NKAIN3: variants seen among roughly 807,000 people sequenced by gnomAD.
NKAIN3 encodes sodium/potassium transporting ATPase interacting 3, also known as sodium/potassium-transporting ATPase subunit beta-1-interacting protein 3.
In NKAIN3, 25 loss-of-function variants were observed where a neutral mutation model predicts 30.2. The observed-to-expected ratio is 0.83, with a 90% CI of 0.60 to 1.16. NKAIN3 has a LOEUF of 1.16. Ranked by LOEUF, NKAIN3 falls within the 50% of genes most tolerant of loss-of-function variation. The pLI is 0.00. For missense variants in NKAIN3, 225 were observed against 254.1 expected, an observed-to-expected ratio of 0.89 and a Z score of 0.78; for synonymous variants, 91 against 89.6, an observed-to-expected ratio of 1.02 and a Z score of -0.09.
rs1820035270 is a variant in NKAIN3 at position 62,855,501 on chromosome 8, C to T, written c.472-62952C>T. ...TTTTGTTTTCTCTTGGTAAATTTCC[C>T]TTCAGGATTGTAATCTGGTGGGTAA... On this transcript the variant is annotated intron_variant, in intron 4 of 6. Coordinates refer to ENST00000623646, the MANE Select transcript of NKAIN3 (RefSeq NM_001304533.3). 5 of 1,402,232 alleles carry T rather than the reference C, an allele frequency of 3.6e-6. No homozygotes were observed. The South Asian group carries it at 4.6e-5, about 13-fold the overall frequency. The allele number at this position is 1,402,232 out of a possible 1,614,324, so 86.9% of individuals were successfully genotyped here.
chr8:62,649,943 C>T (rs1050074099), intron 3 of NKAIN3, among the ~76,000 whole-genome samples: 7 of 152,046 alleles, frequency 4.6e-5, no homozygotes, highest in Admixed American at 3.3e-4. Context: ...CTATTTTTCC[C>T]AAGTACTTAA....
At chr8:62,489,729 C>T (rs554685404) in intron 1 of NKAIN3, among the ~76,000 whole-genome samples, 16 of 152,160 alleles carry the variant, frequency 1.1e-4, no homozygotes, top group African/African-American at 2.4e-5. Context: ...TTTAATATAA[C>T]TCGTAAGAGT....
At position 62,863,197 on chromosome 8, in the gene NKAIN3, C is replaced by G. The variant is rs1435176747; in HGVS notation, c.472-55256C>G. ...CTCCAATTCTTCTATCTCCTGCAGG[C>G]GTTTTTCCAATAACTCAGCCTGCCT... is the stretch of plus-strand genomic sequence containing the variant. On this transcript the variant is annotated intron_variant, in intron 4 of 6. Coordinates refer to ENST00000623646, the MANE Select transcript of NKAIN3 (RefSeq NM_001304533.3). The G allele has an allele frequency of 2.6e-6, 4 of 1,544,372 alleles. 1 individual carries two copies. In the African/African-American group the frequency reaches 5.5e-5, roughly 21 times the overall value.
intron 4 of NKAIN3, among the ~76,000 whole-genome samples, chr8:62,852,963 A>T (rs1018431203): frequency 6.6e-6 from 1 of 152,180 alleles, no homozygotes; most frequent in African/African-American, 2.4e-5. Flanking sequence ...GTAGATGCCT[A>T]TTAGGTCCAC....
intron 3 of NKAIN3, among the ~76,000 whole-genome samples, chr8:62,637,782 A>G (rs954285150): frequency 1.3e-5 from 2 of 152,130 alleles, no homozygotes; most frequent in Non-Finnish European, 2.9e-5. Context: ...TCTGTCCCAC[A>G]CATGAGAGTG....
At chr8:62,933,220 G>T (rs1280049479) in intron 5 of NKAIN3, among the ~76,000 whole-genome samples, 1 of 152,120 alleles carries the variant, frequency 6.6e-6, no homozygotes, top group Non-Finnish European at 1.5e-5. Context: ...TGAGCAAATG[G>T]CATTTTCATG....
In NKAIN3 at chr8:62,970,032, A is replaced by G. The variant is rs1007002820; in HGVS notation, c.*4625A>G. Among the ~76,000 whole-genome samples, 3 of 151,522 alleles carry G rather than the reference A, an allele frequency of 2.0e-5. No individual in the cohort carries two copies. The highest frequency in any genetic ancestry group is 7.3e-5 in the African/African-American group (3 of 41,302). ...CAAAATAGTGAGACCGTATCTCTAC[A>G]AAAACAAACAAATAAACAAAAAATA... On this transcript the variant is annotated 3_prime_UTR_variant, in exon 7 of 7. Coordinates refer to ENST00000623646, the MANE Select transcript of NKAIN3 (RefSeq NM_001304533.3).
intron 4 of NKAIN3, among the ~76,000 whole-genome samples, chr8:62,839,938 T>C (rs1819480409): frequency 6.6e-6 from 1 of 152,078 alleles, no homozygotes; most frequent in South Asian, 2.1e-4. Flanking sequence ...TAAAATGCCT[T>C]CCCCACATTC....
chr8:62,388,752 C>T (rs767167748), intron 1 of NKAIN3, among the ~76,000 whole-genome samples: 25 of 152,166 alleles, frequency 1.6e-4, no homozygotes, highest in South Asian at 4.1e-4. Context: ...GGATTTCAGC[C>T]GGCTCTGGTT....
intron 5 of NKAIN3, among the ~76,000 whole-genome samples, chr8:62,926,470 G>A (rs150547536): frequency 4.6e-5 from 7 of 152,200 alleles, no homozygotes; most frequent in African/African-American, 1.7e-4. Context: ...ACCTCACAAC[G>A]TCACATGTGA....
chr8:62,672,856 A>T (rs73682637), intron 3 of NKAIN3, among the ~76,000 whole-genome samples: 2 of 152,316 alleles, frequency 1.3e-5, no homozygotes, highest in African/African-American at 2.4e-5. Context: ...TATCTAAAAA[A>T]ATTGATTTTT....
chr8:62,816,268 T>C (rs1043722775), intron 4 of NKAIN3, among the ~76,000 whole-genome samples: 3 of 152,158 alleles, frequency 2.0e-5, no homozygotes, highest in Non-Finnish European at 4.4e-5. Flanking sequence ...AGTAGTGTAG[T>C]CTTTGTATGA....
At chr8:62,737,288 T>C (rs1356028889) in intron 3 of NKAIN3, among the ~76,000 whole-genome samples, 1 of 152,220 alleles carries the variant, frequency 6.6e-6, no homozygotes, top group African/African-American at 2.4e-5. Flanking sequence ...AGCAGAAGCA[T>C]TGTCATGGTG....
intron 1 of NKAIN3, among the ~76,000 whole-genome samples, chr8:62,463,727 T>C (rs1563410194): frequency 6.6e-6 from 1 of 152,232 alleles, no homozygotes; most frequent in Non-Finnish European, 1.5e-5. Context: ...CCTGAAACTG[T>C]ATATAACACC....
At chr8:62,458,391 C>A (rs1805886798) in intron 1 of NKAIN3, among the ~76,000 whole-genome samples, 1 of 152,182 alleles carries the variant, frequency 6.6e-6, no homozygotes, top group Admixed American at 6.5e-5. Flanking sequence ...AAAATCACAT[C>A]AAAACCTATT....
intron 4 of NKAIN3, among the ~76,000 whole-genome samples, chr8:62,803,617 G>A (rs1335646244): frequency 6.6e-6 from 1 of 152,130 alleles, no homozygotes; most frequent in Non-Finnish European, 1.5e-5. Flanking sequence ...TCAAAGCAGT[G>A]TGTAGAGGGA....
At chr8:62,626,229 C>T (rs771483398) in intron 3 of NKAIN3, among the ~76,000 whole-genome samples, 5 of 152,064 alleles carry the variant, frequency 3.3e-5, no homozygotes, top group Non-Finnish European at 7.4e-5. Flanking sequence ...CCCTTCAGAA[C>T]GATTCAACTC....
intron 1 of NKAIN3, among the ~76,000 whole-genome samples, chr8:62,319,171 G>A (rs929391296): frequency 1.3e-5 from 2 of 152,136 alleles, no homozygotes; most frequent in African/African-American, 4.8e-5. Flanking sequence ...TGTGGGATCA[G>A]TGGTGATATC....
chr8:62,619,800 C>T (rs2130223901), intron 3 of NKAIN3, among the ~76,000 whole-genome samples: 1 of 151,976 alleles, frequency 6.6e-6, no homozygotes, highest in South Asian at 2.1e-4. Flanking sequence ...GTCTTCCTAA[C>T]TGTTGACAAA....
Sources: allele counts gnomAD v4.1 joint callset (sites outside exome capture counted in the v4.1 genomes callset), GRCh38; gene constraint gnomAD v4.1.1; transcripts MANE v1.5; gene names NCBI Gene and HGNC (gene_info 2026-07-23, HGNC 2026-07-21).